ANKDD1A: variants seen among roughly 807,000 people sequenced by gnomAD.
ANKDD1A encodes the protein ankyrin repeat and death domain containing 1A.
In ANKDD1A, 59 loss-of-function variants were observed where a neutral mutation model predicts 63.5. The ratio of observed to expected loss-of-function variants is 0.93; its 90% CI spans 0.75 to 1.15. ANKDD1A has a LOEUF of 1.15. ANKDD1A is among the 50% of genes most tolerant of loss of function. ANKDD1A has a pLI of 0.00. For missense variants in ANKDD1A, 632 were observed against 656.4 expected, an observed-to-expected ratio of 0.96 and a Z score of 0.41; for synonymous variants, 266 against 263.9, an observed-to-expected ratio of 1.01 and a Z score of -0.08.
At chr15:64,955,923 A>G (rs2085412578) in intron 14 of ANKDD1A, among the ~76,000 whole-genome samples, 1 of 152,216 alleles carries the variant, frequency 6.6e-6, no homozygotes, top group Non-Finnish European at 1.5e-5. Context: ...TGATAGACAT[A>G]CAAGGTTATT....
chr15:64,922,803 G>A (rs778967421), intron 4 of ANKDD1A, among the ~76,000 whole-genome samples: 4 of 151,936 alleles, frequency 2.6e-5, no homozygotes, highest in Non-Finnish European at 2.9e-5. Flanking sequence ...CACCACTCCC[G>A]GCTAATTAGC....
intron 3 of ANKDD1A, among the ~76,000 whole-genome samples, chr15:64,918,143 A>G (rs1034707806): frequency 6.6e-6 from 1 of 152,212 alleles, no homozygotes; most frequent in South Asian, 2.1e-4. Context: ...TGGGTGGATC[A>G]CTTGATCCCA....
intron 14 of ANKDD1A, chr15:64,951,144 GCA>G (rs1225959376): frequency 8.8e-6 from 10 of 1,142,780 alleles, no homozygotes; most frequent in African/African-American, 4.9e-5. Flanking sequence ...CTACTGAAAT[GCA>G]CAGTCATGCA....
In ANKDD1A at chr15:64,951,660, TTC is replaced by T. The variant is rs764714795; in HGVS notation, c.1483+1690_1483+1691del. Among the ~76,000 whole-genome samples, 184 of 117,408 alleles carry T rather than the reference TTC, an allele frequency of 1.6e-3. 1 individual carries two copies. Among genetic ancestry groups the T allele is most frequent in the South Asian group, 9.6e-3 (38 of 3,970 alleles). 77.0% of individuals were successfully genotyped at this position (117,408 alleles called of 152,430 possible). A position where few individuals can be genotyped will look rare whatever the true frequency, so the allele number is the denominator to read the frequency against. On this transcript the variant is annotated intron_variant, in intron 14 of 14. Transcript: ENST00000319580. Reference sequence around the variant, plus strand: ...TTCTTCTATCTTCTTTCCTTCTATCTTCTTTTTCTTTCTTTCCTTCTTTCTTC... The same window carrying T: ...TTCTTCTATCTTCTTTCCTTCTATCTTTTTTCTTTCTTTCCTTCTTTCTTC...
chr15:64,953,668 C>CCTTT (rs1595860441), intron 14 of ANKDD1A, among the ~76,000 whole-genome samples: 230 of 8,138 alleles, frequency 0.028, no homozygotes, highest in East Asian at 0.26. Flanking sequence ...TTTCTTTCTT[C>CCTTT]TCCTTCTTTT....
chr15:64,915,270 A>C (rs149616256), intron 1 of ANKDD1A, among the ~76,000 whole-genome samples: 2 of 152,168 alleles, frequency 1.3e-5, no homozygotes, highest in Admixed American at 6.5e-5. Flanking sequence ...ACGCCACTGC[A>C]CTCCAGCCTG....
chr15:64,943,555 TGG>T lies in ANKDD1A; in HGVS notation c.1041_1042del (p.Val348Ter), dbSNP rs1301598361. On this transcript the variant is annotated frameshift_variant, in exon 11 of 15. Transcript: ENST00000319580. LOFTEE classifies it high-confidence loss of function. ...ACATAGCAGATATGCTCCTCATTGCTGGGGTTGACTTAAACCTGAGAGATAAG... is the reference window on the plus strand; with the variant it reads ...ACATAGCAGATATGCTCCTCATTGCTGGTTGACTTAAACCTGAGAGATAAG... Reference protein sequence around the residue: ...QDIADMLLIAGVDLNLRDKQG... With the variant: ...QDIADMLLIAXVDLNLRDKQG... The T allele has an allele frequency of 1.9e-6, 3 of 1,614,196 alleles. No individual in the cohort carries two copies. The Admixed American group carries it at 5.0e-5, about 27-fold the overall frequency.
Position 64,943,519 on chromosome 15 carries a change from C to T in ANKDD1A, c.1002C>T (p.His334=), listed in dbSNP as rs143873927. 432 of 1,614,202 alleles carry T rather than the reference C, an allele frequency of 2.7e-4. 2 individuals carry two copies. Among genetic ancestry groups the T allele is most frequent in the Non-Finnish European group, 7.8e-5 (92 of 1,180,034 alleles). ...QQTPLHLAAE[H]AWQDIADMLL... ...CGCCCCTTCACCTGGCTGCAGAGCACGCCTGGCAGGACATAGCAGATATGC... is the reference window on the plus strand; with the variant it reads ...CGCCCCTTCACCTGGCTGCAGAGCATGCCTGGCAGGACATAGCAGATATGC... Residue 334 remains histidine (H), a synonymous_variant, in exon 11 of 15, where the codon CAC becomes CAT. Transcript: ENST00000319580.
At chr15:64,928,995 C>T (rs1818332514) in intron 6 of ANKDD1A, among the ~76,000 whole-genome samples, 1 of 152,234 alleles carries the variant, frequency 6.6e-6, no homozygotes, top group South Asian at 2.1e-4. Flanking sequence ...TCATGGTTCA[C>T]CTGCTTCCTG....
chr15:64,951,642 ATCT>A lies in ANKDD1A; in HGVS notation c.1483+1675_1483+1677del, dbSNP rs1391100468. ...TCTTCTTCTCTTCTTTTCTTCTTCT[ATCT>A]TCTTTCCTTCTATCTTCTTTTTCTT... On this transcript the variant is annotated intron_variant, in intron 14 of 14. Coordinates refer to ENST00000319580, the MANE Select transcript of ANKDD1A (RefSeq NM_182703.6). 1.3e-4 allele frequency among the ~76,000 whole-genome samples: 8 copies of A among 61,642 alleles called. No individual in the cohort carries two copies. The East Asian group carries it at 1.4e-3, about 10-fold the overall frequency. The allele number at this position is 61,642 out of a possible 152,430, so 40.4% of individuals were successfully genotyped here. A position where few individuals can be genotyped will look rare whatever the true frequency, so the allele number is the denominator to read the frequency against.
intron 6 of ANKDD1A, among the ~76,000 whole-genome samples, chr15:64,928,654 G>A (rs2085065536): frequency 6.6e-6 from 1 of 152,196 alleles, no homozygotes; most frequent in South Asian, 2.1e-4. Flanking sequence ...GTGTACTCTA[G>A]AATGCTAGGG....
At chr15:64,915,251 G>A (rs1185344005) in intron 1 of ANKDD1A, among the ~76,000 whole-genome samples, 1 of 152,216 alleles carries the variant, frequency 6.6e-6, no homozygotes, top group South Asian at 2.1e-4. Context: ...GTTGCAGTGA[G>A]ACAAGATCAC....
At chr15:64,950,426 A>C (rs1253546186) in intron 14 of ANKDD1A, 24 of 985,436 alleles carry the variant, frequency 2.4e-5, no homozygotes, top group Non-Finnish European at 2.9e-5. Context: ...GAGTATGCCA[A>C]TCTCAAAAGC....
At chr15:64,928,501 G>T (rs1317303696) in intron 6 of ANKDD1A, among the ~76,000 whole-genome samples, 1 of 152,160 alleles carries the variant, frequency 6.6e-6, no homozygotes, top group Non-Finnish European at 1.5e-5. Flanking sequence ...TTTTAAAATT[G>T]CATACCCCTG....
intron 6 of ANKDD1A, among the ~76,000 whole-genome samples, chr15:64,928,334 G>A (rs557273281): frequency 2.0e-5 from 3 of 152,346 alleles, no homozygotes; most frequent in African/African-American, 4.8e-5. Flanking sequence ...TGCAAAGAGC[G>A]GGGAGGGCAG....
intron 8 of ANKDD1A, chr15:64,932,902 T>C (rs2085102031): frequency 6.6e-6 from 1 of 151,462 alleles, no homozygotes; most frequent in South Asian, 2.1e-4. Context: ...TGAGCTATGA[T>C]TGCACCACTG....
chr15:64,931,450 T>C, intron 7 of ANKDD1A, 37 bp from the exon 8 acceptor site: 1 of 1,586,848 alleles, frequency 6.3e-7, no homozygotes, highest in Non-Finnish European at 8.6e-7. Context: ...GGGGTGGGCC[T>C]CCCCACCATC....
In ANKDD1A at chr15:64,958,538, C is replaced by A. The variant is rs2085441909; in HGVS notation, c.*1350C>A. The A allele has an allele frequency of 1.3e-5, 2 of 151,976 alleles. No individual in the cohort carries two copies. The highest frequency in any genetic ancestry group is 2.9e-5 in the Non-Finnish European group (2 of 68,004). The allele number at this position is 151,976 out of a possible 1,614,324, so 9.4% of individuals were successfully genotyped here. ...TTATAAAAGGAAAAGAAAACAGAGG[C>A]TTTAAATTAAATCATCTATTCCTTG... On this transcript the variant is annotated 3_prime_UTR_variant, in exon 15 of 15. Transcript: ENST00000319580.
At chr15:64,933,993 T>G (rs1458009342) in intron 8 of ANKDD1A, 143 bp from the exon 9 acceptor site, 1 of 598,994 alleles carries the variant, frequency 1.7e-6, no homozygotes, top group African/African-American at 1.9e-5. Context: ...GGAAAGTCAT[T>G]GATTTTTCCA....
Sources: allele counts gnomAD v4.1 joint callset (sites outside exome capture counted in the v4.1 genomes callset), GRCh38; gene constraint gnomAD v4.1.1; transcripts MANE v1.5; gene names NCBI Gene and HGNC (gene_info 2026-07-23, HGNC 2026-07-21).